Variants in RERE observed in about 807,000 individuals in gnomAD.
The protein encoded by RERE is arginine-glutamic acid dipeptide repeats protein.
In RERE, 40 loss-of-function variants were observed where a neutral mutation model predicts 146.1. The observed-to-expected ratio is 0.27, with a 90% CI of 0.21 to 0.36. The LOEUF (loss-of-function observed/expected upper bound fraction) is 0.36, where lower values mean the gene tolerates loss of function less well. RERE is among the 10% of genes least tolerant of loss of function. The pLI, the probability that RERE is intolerant of heterozygous loss-of-function variation, is 1.00. For synonymous variants in RERE, 1,003 were observed against 866.0 expected, an observed-to-expected ratio of 1.16 and a Z score of -2.78; for missense variants, 1,933 against 2,138.7, an observed-to-expected ratio of 0.90 and a Z score of 1.90.
At chr1:8,598,215 G>A (rs1646578617) in intron 4 of RERE, among the ~76,000 whole-genome samples, 2 of 152,146 alleles carry the variant, frequency 1.3e-5, no homozygotes, top group South Asian at 2.1e-4. Context: ...CTGCCACCTC[G>A]CTCTTGCTCC....
At chr1:8,769,940 C>T (rs1640913367) in intron 1 of RERE, among the ~76,000 whole-genome samples, 1 of 152,140 alleles carries the variant, frequency 6.6e-6, no homozygotes, top group Non-Finnish European at 1.5e-5. Context: ...GGGCGCACAC[C>T]ACTGCACCTG....
chr1:8,546,293 A>G (rs558675263), intron 6 of RERE, among the ~76,000 whole-genome samples: 1 of 48,782 alleles, frequency 2.0e-5, no homozygotes, highest in East Asian at 1.4e-3. Flanking sequence ...AAATAAATAA[A>G]TAAAAATAAA....
At chr1:8,447,307 A>G (rs1644334989) in intron 11 of RERE, among the ~76,000 whole-genome samples, 1 of 151,060 alleles carries the variant, frequency 6.6e-6, no homozygotes, top group African/African-American at 2.4e-5. Context: ...AATTTGTCAA[A>G]CTCATTCTCC....
intron 1 of RERE, among the ~76,000 whole-genome samples, chr1:8,744,026 T>C (rs748057527): frequency 2.0e-5 from 3 of 152,164 alleles, no homozygotes; most frequent in Non-Finnish European, 4.4e-5. Flanking sequence ...CAGTAGGTGC[T>C]CAATAAATAG....
Position 8,422,769 on chromosome 1 carries a change from G to C in RERE, c.1242C>G (p.Asn414Lys), listed in dbSNP as rs751762635. The C allele has an allele frequency of 4.3e-6, 7 of 1,613,992 alleles. No individual in the cohort carries two copies. Among genetic ancestry groups the C allele is most frequent in the Non-Finnish European group, 5.9e-6 (7 of 1,179,888 alleles). The stretch of plus-strand genomic sequence containing the variant: ...GCAGCTCCTTTCTAATTCTGAAGAA[G>C]TTCTTCCCGTACTGCCTGAGTCCCT... ...FVKGLRQYGK[N>K]FFRIRKELLP... The change falls in exon 12 of 23, where the codon AAC becomes AAG. Residue 414 changes from asparagine (N) to lysine (K), a missense_variant. Coordinates refer to ENST00000400908, the MANE Select transcript of RERE (RefSeq NM_001042681.2).
chr1:8,483,586 G>C (rs1644862391), intron 10 of RERE, among the ~76,000 whole-genome samples: 1 of 152,178 alleles, frequency 6.6e-6, no homozygotes, highest in Non-Finnish European at 1.5e-5. Flanking sequence ...AGTGTGATAT[G>C]AACTTGAACT....
chr1:8,492,619 G>A (rs1157900605), intron 10 of RERE, among the ~76,000 whole-genome samples: 2 of 152,142 alleles, frequency 1.3e-5, no homozygotes, highest in Admixed American at 6.6e-5. Context: ...TTAAAAAAAG[G>A]CCAGGTGCAG....
At chr1:8,669,401 T>C (rs74998388) in intron 1 of RERE, among the ~76,000 whole-genome samples, 1,728 of 152,238 alleles carry the variant, frequency 0.011, 14 homozygotes, top group Non-Finnish European at 0.018. Flanking sequence ...GCCCAGCCAA[T>C]TGTACACTTT....
At chr1:8,564,826 A>ATGTATGTGTGTGTG (rs1553185584) in intron 4 of RERE, among the ~76,000 whole-genome samples, 3 of 117,836 alleles carry the variant, frequency 2.5e-5, no homozygotes, top group Non-Finnish European at 5.2e-5. Flanking sequence ...GTGTGTGTAT[A>ATGTATGTGTGTGTG]TGTGTATGTG....
chr1:8,676,668 C>T (rs1248532536), intron 1 of RERE, among the ~76,000 whole-genome samples: 2 of 152,204 alleles, frequency 1.3e-5, no homozygotes, highest in African/African-American at 4.8e-5. Flanking sequence ...TCATCACAAC[C>T]CAGGCTCCAA....
At chr1:8,778,841 G>A (rs948317353) in intron 1 of RERE, among the ~76,000 whole-genome samples, 3 of 151,836 alleles carry the variant, frequency 2.0e-5, no homozygotes, top group Non-Finnish European at 4.4e-5. Flanking sequence ...AGAAAATACA[G>A]TTACTAAACA....
At chr1:8,400,837 C>CAAAA in intron 12 of RERE, among the ~76,000 whole-genome samples, 1 of 58,664 alleles carries the variant, frequency 1.7e-5, no homozygotes, top group Non-Finnish European at 3.1e-5. Context: ...AACACCATCT[C>CAAAA]AAAAAAAAAA....
chr1:8,470,654 T>A (rs1026259257), intron 10 of RERE, among the ~76,000 whole-genome samples: 4 of 152,034 alleles, frequency 2.6e-5, no homozygotes, highest in African/African-American at 9.7e-5. Flanking sequence ...GCTGTTCTGG[T>A]GTGCCCTCCT....
intron 1 of RERE, among the ~76,000 whole-genome samples, chr1:8,668,922 C>CTGTG (rs1491114623): frequency 1.3e-5 from 1 of 76,964 alleles, no homozygotes; most frequent in Admixed American, 1.5e-4. Context: ...ATGCACTAAA[C>CTGTG]TCTGTGTGTG....
intron 12 of RERE, among the ~76,000 whole-genome samples, chr1:8,391,093 G>A (rs920046562): frequency 5.3e-5 from 8 of 152,028 alleles, no homozygotes; most frequent in African/African-American, 1.9e-4. Flanking sequence ...TCCACACTGT[G>A]TCTTAAAAAT....
chr1:8,520,761 A>AAAC, intron 7 of RERE, among the ~76,000 whole-genome samples: 1 of 148,766 alleles, frequency 6.7e-6, no homozygotes, highest in African/African-American at 2.5e-5. Flanking sequence ...TTTTAAAAAA[A>AAAC]AAAAAAAAAA....
chr1:8,374,236 A>G (rs1642152327), intron 12 of RERE, among the ~76,000 whole-genome samples: 1 of 152,232 alleles, frequency 6.6e-6, no homozygotes, highest in African/African-American at 2.4e-5. Context: ...GGAAAGGCAA[A>G]GGGAAAGGAG....
intron 4 of RERE, among the ~76,000 whole-genome samples, chr1:8,604,158 G>C (rs1445675339): frequency 3.3e-5 from 5 of 152,150 alleles, no homozygotes; most frequent in African/African-American, 9.7e-5. Flanking sequence ...TGTGAAGACA[G>C]TGGGACTCTG....
chr1:8,522,983 C>A (rs1236106808), intron 7 of RERE, among the ~76,000 whole-genome samples: 1 of 152,084 alleles, frequency 6.6e-6, no homozygotes, highest in Non-Finnish European at 1.5e-5. Flanking sequence ...TTAAGACCAA[C>A]CTGGGCAACA....
Sources: allele counts gnomAD v4.1 joint callset (sites outside exome capture counted in the v4.1 genomes callset), GRCh38; gene constraint gnomAD v4.1.1; transcripts MANE v1.5; gene names NCBI Gene and HGNC (gene_info 2026-07-23, HGNC 2026-07-21).